The following KIAA1217 variants were observed in gnomAD, a reference collection of about 807,000 sequenced individuals.
KIAA1217 encodes KIAA1217, also known as sickle tail protein homolog.
KIAA1217 carries 88 observed loss-of-function variants against 163.9 expected under a neutral mutation model. The ratio of observed to expected loss-of-function variants is 0.54; its 90% CI spans 0.45 to 0.64. The LOEUF is 0.64. KIAA1217 is among the 30% of genes least tolerant of loss of function. The pLI is 0.00. For missense variants in KIAA1217, 2,372 were observed against 2,475.0 expected (o/e 0.96, Z 0.88); for synonymous variants, 903 against 923.1 (o/e 0.98, Z 0.39).
rs1004011474 is a variant in KIAA1217, at chr10:24,433,328, TTTTTG to T, written c.752+140_752+144del. 44 of 648,692 alleles carry T rather than the reference TTTTTG, an allele frequency of 6.8e-5. No homozygotes were observed. The African/African-American group carries it at 7.5e-4, about 11-fold the overall frequency. 40.2% of individuals were successfully genotyped at this position (648,692 alleles called of 1,614,324 possible). On this transcript the variant is annotated intron_variant, in intron 4 of 20. Coordinates refer to ENST00000376454, the MANE Select transcript of KIAA1217 (RefSeq NM_019590.5). ...TGTTTTTTTGTTTTTTGTTTTTTGT[TTTTTG>T]TTTTTTGTTTGGTCCATCATATCCC...
At chr10:24,428,252 G>A (rs975137325) in intron 3 of KIAA1217, among the ~76,000 whole-genome samples, 1 of 152,184 alleles carries the variant, frequency 6.6e-6, no homozygotes, top group South Asian at 2.1e-4. Flanking sequence ...TTGGCCTTTT[G>A]ATGTACCATA....
At chr10:23,787,399 T>C (rs1470623202) in intron 1 of KIAA1217, among the ~76,000 whole-genome samples, 3 of 152,144 alleles carry the variant, frequency 2.0e-5, no homozygotes, top group Non-Finnish European at 2.9e-5. Context: ...TCATCAGTGA[T>C]CCAGGAGCAG....
intron 1 of KIAA1217, among the ~76,000 whole-genome samples, chr10:23,749,981 T>C (rs1014700782): frequency 6.6e-6 from 1 of 152,126 alleles, no homozygotes; most frequent in African/African-American, 2.4e-5. Flanking sequence ...GTTTCCTTTC[T>C]CTTCTTCTCT....
chr10:24,123,426 A>G (rs75778746), intron 2 of KIAA1217, among the ~76,000 whole-genome samples: 3,115 of 152,168 alleles, frequency 0.02, 104 homozygotes, highest in African/African-American at 0.071. Context: ...TTGTCCCTGC[A>G]GTTTTGCCAT....
intron 1 of KIAA1217, among the ~76,000 whole-genome samples, chr10:24,006,917 C>T (rs749860113): frequency 7.9e-5 from 12 of 152,102 alleles, no homozygotes; most frequent in Non-Finnish European, 1.6e-4. Context: ...CATTTCCTTC[C>T]GCCCCCAACT....
chr10:23,759,791 T>C (rs1002391166), intron 1 of KIAA1217, among the ~76,000 whole-genome samples: 4 of 152,246 alleles, frequency 2.6e-5, no homozygotes, highest in African/African-American at 9.6e-5. Flanking sequence ...GCTTAACTTC[T>C]GTGAGCCTCC....
At chr10:24,423,079 T>A (rs561329723) in intron 3 of KIAA1217, among the ~76,000 whole-genome samples, 7 of 151,204 alleles carry the variant, frequency 4.6e-5, no homozygotes, top group Non-Finnish European at 7.4e-5. Context: ...TAATTTTGTT[T>A]TTGTATTTTT....
intron 2 of KIAA1217, among the ~76,000 whole-genome samples, chr10:24,343,190 G>T (rs977887617): frequency 6.6e-6 from 1 of 152,080 alleles, no homozygotes; most frequent in Non-Finnish European, 1.5e-5. Context: ...AGAATTGATT[G>T]TTCAAAATGT....
intron 3 of KIAA1217, among the ~76,000 whole-genome samples, chr10:24,422,469 C>A (rs2058811260): frequency 6.6e-6 from 1 of 152,116 alleles, no homozygotes; most frequent in Non-Finnish European, 1.5e-5. Context: ...TGTTGAGTAA[C>A]CTTTGAGATG....
intron 2 of KIAA1217, among the ~76,000 whole-genome samples, chr10:24,265,844 A>G (rs1326997930): frequency 6.6e-6 from 1 of 152,154 alleles, no homozygotes; most frequent in East Asian, 1.9e-4. Flanking sequence ...AAGATAAGGA[A>G]TGCTTAGCAA....
At chr10:24,011,434 C>A (rs1847232309) in intron 2 of KIAA1217, among the ~76,000 whole-genome samples, 1 of 152,094 alleles carries the variant, frequency 6.6e-6, no homozygotes, top group South Asian at 2.1e-4. Context: ...TTGCAGTGAG[C>A]TGTGATCATG....
intron 1 of KIAA1217, among the ~76,000 whole-genome samples, chr10:23,937,871 G>T (rs1843599152): frequency 6.6e-6 from 1 of 152,170 alleles, no homozygotes; most frequent in African/African-American, 2.4e-5. Flanking sequence ...TGAACCCTGG[G>T]ATTGTCCCAG....
rs114777004 is a variant in KIAA1217 at position 23,780,983 on chromosome 10, C to T, written c.-321+85749C>T. 4.3e-3 allele frequency among the ~76,000 whole-genome samples: 650 copies of T among 152,166 alleles called. 1 individual carries two copies. The highest frequency in any genetic ancestry group is 0.015 in the African/African-American group (618 of 41,536). Reference sequence around the variant, plus strand: ...GGCGTGAGCCACCACACCTGGACACCGGATTTTCTTAACCACTTATTTATA... The same window carrying T: ...GGCGTGAGCCACCACACCTGGACACTGGATTTTCTTAACCACTTATTTATA... On this transcript the variant is annotated intron_variant, in intron 1 of 18. Transcript: ENST00000376462.
At chr10:24,131,761 A>G (rs559370443) in intron 2 of KIAA1217, among the ~76,000 whole-genome samples, 7 of 152,346 alleles carry the variant, frequency 4.6e-5, no homozygotes, top group African/African-American at 1.7e-4. Flanking sequence ...CATGGAAACT[A>G]TCATAGAAAG....
At chr10:24,048,975 G>C (rs1488466033) in intron 2 of KIAA1217, among the ~76,000 whole-genome samples, 2 of 142,084 alleles carry the variant, frequency 1.4e-5, no homozygotes, top group Non-Finnish European at 3.0e-5. Context: ...AGGTTGCAGT[G>C]AGCCAAGATT....
At chr10:23,794,597 A>G (rs1471294455) in intron 1 of KIAA1217, among the ~76,000 whole-genome samples, 2 of 152,348 alleles carry the variant, frequency 1.3e-5, no homozygotes, top group Non-Finnish European at 2.9e-5. Context: ...TTCATAGATA[A>G]TTCAAGCCTT....
At chr10:23,845,244 A>G (rs766007178) in intron 1 of KIAA1217, among the ~76,000 whole-genome samples, 1 of 152,210 alleles carries the variant, frequency 6.6e-6, no homozygotes, top group African/African-American at 2.4e-5. Context: ...TCCTTTGGGT[A>G]TATGCCCAGT....
Position 24,380,916 on chromosome 10 carries a change from T to A in KIAA1217, c.402T>A (p.Gly134=). Residue 134 remains glycine (G), a synonymous_variant, in exon 3 of 21, where the codon GGT becomes GGA. Coordinates refer to ENST00000376454, the MANE Select transcript of KIAA1217 (RefSeq NM_019590.5). ...LSHSPQPPSL[G]DPVEHLSETS... Reference sequence around the variant, plus strand: ...ACAGTCCTCAACCACCCAGTCTGGGTGACCCGGTCGAGCATTTATCAGAGA... The same window carrying A: ...ACAGTCCTCAACCACCCAGTCTGGGAGACCCGGTCGAGCATTTATCAGAGA... 6.2e-7 allele frequency: 1 copy of A among 1,603,894 alleles called. No homozygotes were observed. The highest frequency in any genetic ancestry group is 2.2e-5 in the East Asian group (1 of 44,472).
intron 2 of KIAA1217, among the ~76,000 whole-genome samples, chr10:24,081,079 G>T (rs1314642817): frequency 6.6e-6 from 1 of 152,170 alleles, no homozygotes; most frequent in Non-Finnish European, 1.5e-5. Context: ...TTGTAGATGA[G>T]CTGAAAATCT....
Sources: allele counts gnomAD v4.1 joint callset (sites outside exome capture counted in the v4.1 genomes callset), GRCh38; gene constraint gnomAD v4.1.1; transcripts MANE v1.5; gene names NCBI Gene and HGNC (gene_info 2026-07-23, HGNC 2026-07-21).